ZFPM2: variants seen among roughly 807,000 people sequenced by gnomAD.
The protein encoded by ZFPM2 is zinc finger protein, FOG family member 2, also known as zinc finger protein ZFPM2.
Under a neutral mutation model 98.6 loss-of-function variants are expected in ZFPM2, and 20 were observed. The ratio of observed to expected loss-of-function variants is 0.20; its 90% confidence interval spans 0.14 to 0.29. The LOEUF is 0.29. Ranked by LOEUF, ZFPM2 falls within the 10% of genes least tolerant of loss-of-function variation. The pLI is 1.00. For missense variants in ZFPM2, 1,310 were observed against 1,388.6 expected (o/e 0.94, Z 0.90); for synonymous variants, 518 against 502.7 (o/e 1.03, Z -0.41).
intron 4 of ZFPM2, among the ~76,000 whole-genome samples, chr8:105,576,443 A>C (rs1411963600): frequency 6.6e-6 from 1 of 152,258 alleles, no homozygotes; most frequent in Admixed American, 6.5e-5. Context: ...CTTGGAGGTG[A>C]TGTTTGCTCC....
intron 1 of ZFPM2, among the ~76,000 whole-genome samples, chr8:105,337,173 T>A (rs1812342730): frequency 1.3e-5 from 2 of 151,762 alleles, no homozygotes; most frequent in African/African-American, 4.8e-5. Flanking sequence ...CACGTTATGG[T>A]ATGGCCTCTT....
chr8:105,669,729 T>C (rs1241351424), intron 5 of ZFPM2, among the ~76,000 whole-genome samples: 3 of 152,136 alleles, frequency 2.0e-5, no homozygotes, highest in Admixed American at 2.0e-4. Flanking sequence ...TTCTCTCTAT[T>C]GAAGGATATG....
chr8:105,601,386 T>C (rs1816088817), intron 4 of ZFPM2, among the ~76,000 whole-genome samples: 1 of 152,108 alleles, frequency 6.6e-6, no homozygotes. Flanking sequence ...TTCCCTGGTC[T>C]TGTTCCCTAA....
intron 4 of ZFPM2, among the ~76,000 whole-genome samples, chr8:105,579,917 A>G (rs16873418): frequency 0.41 from 61,940 of 151,908 alleles, 14,622 homozygotes; most frequent in African/African-American, 0.66. Context: ...GTGCCTGCTT[A>G]CCATTCCTGC....
intron 3 of ZFPM2, among the ~76,000 whole-genome samples, chr8:105,454,907 A>G (rs1374912658): frequency 2.0e-5 from 3 of 152,138 alleles, no homozygotes; most frequent in Non-Finnish European, 2.9e-5. Context: ...TTGATAGCCT[A>G]TTTACTCCTG....
intron 1 of ZFPM2, among the ~76,000 whole-genome samples, chr8:105,336,709 C>T (rs1295458549): frequency 2.0e-5 from 3 of 151,000 alleles, no homozygotes; most frequent in Non-Finnish European, 4.4e-5. Context: ...CACACACACA[C>T]ACACACACAC....
intron 4 of ZFPM2, among the ~76,000 whole-genome samples, chr8:105,624,690 A>G (rs1031779337): frequency 1.3e-5 from 2 of 152,132 alleles, no homozygotes; most frequent in Non-Finnish European, 2.9e-5. Context: ...CTGTAGAACT[A>G]TTTGTATTTT....
intron 1 of ZFPM2, among the ~76,000 whole-genome samples, chr8:105,342,861 C>T (rs1330752206): frequency 6.6e-6 from 1 of 151,878 alleles, no homozygotes; most frequent in East Asian, 1.9e-4. Context: ...CTCTAGGTTT[C>T]TTAGTAAACT....
chr8:105,364,659 A>G (rs1261101726), intron 1 of ZFPM2, among the ~76,000 whole-genome samples: 1 of 146,158 alleles, frequency 6.8e-6, no homozygotes, highest in African/African-American at 2.5e-5. Context: ...AAGAATACCA[A>G]AAAAAAAAAA....
chr8:105,452,320 G>A (rs1205856800), intron 3 of ZFPM2, among the ~76,000 whole-genome samples: 4 of 152,270 alleles, frequency 2.6e-5, no homozygotes, highest in Non-Finnish European at 5.9e-5. Flanking sequence ...GGGTTTTACT[G>A]TGTTCTTTCT....
At chr8:105,577,309 T>C (rs1439400487) in intron 4 of ZFPM2, among the ~76,000 whole-genome samples, 1 of 152,102 alleles carries the variant, frequency 6.6e-6, no homozygotes, top group Non-Finnish European at 1.5e-5. Flanking sequence ...AAAAGTAGTA[T>C]TCACATGTGT....
intron 3 of ZFPM2, among the ~76,000 whole-genome samples, chr8:105,526,965 G>C (rs373213716): frequency 1.3e-5 from 2 of 151,986 alleles, no homozygotes; most frequent in African/African-American, 2.4e-5. Flanking sequence ...TAATCTCTCT[G>C]TGCCTCAGTT....
At chr8:105,336,949 T>C (rs575355155) in intron 1 of ZFPM2, among the ~76,000 whole-genome samples, 88 of 151,866 alleles carry the variant, frequency 5.8e-4, no homozygotes, top group African/African-American at 2.1e-3. Context: ...TTTTTGTTGT[T>C]TAGTTGTTGT....
intron 4 of ZFPM2, among the ~76,000 whole-genome samples, chr8:105,591,590 G>T (rs1815844934): frequency 6.6e-6 from 1 of 151,952 alleles, no homozygotes; most frequent in Admixed American, 6.6e-5. Flanking sequence ...TTAAAGACTT[G>T]TTTTTTTAAT....
intron 5 of ZFPM2, among the ~76,000 whole-genome samples, chr8:105,734,059 T>C (rs1812012506): frequency 6.6e-6 from 1 of 151,890 alleles, no homozygotes; most frequent in Non-Finnish European, 1.5e-5. Context: ...ATACTGCCCT[T>C]GACTGCCAAC....
At chr8:105,458,435 T>A (rs1009180519) in intron 3 of ZFPM2, among the ~76,000 whole-genome samples, 3 of 151,856 alleles carry the variant, frequency 2.0e-5, no homozygotes, top group Non-Finnish European at 4.4e-5. Context: ...AAAAAAAAAA[T>A]TTGTTTTCCC....
chr8:105,484,826 T>G lies in ZFPM2; in HGVS notation c.301+40445T>G, dbSNP rs570364852. Among the ~76,000 whole-genome samples, 4 of 152,276 alleles carry G rather than the reference T, an allele frequency of 2.6e-5. No individual in the cohort carries two copies. In the East Asian group the frequency reaches 7.7e-4, roughly 29 times the overall value. On this transcript the variant is annotated intron_variant, in intron 3 of 7. Coordinates refer to ENST00000407775, the MANE Select transcript of ZFPM2 (RefSeq NM_012082.4). The stretch of plus-strand genomic sequence containing the variant: ...TTCATCTATGGAAATTGTGGGTGGT[T>G]TGGGAAGACATCTTTCTGGAGCAGC...
intron 1 of ZFPM2, among the ~76,000 whole-genome samples, chr8:105,339,144 A>G (rs1292696827): frequency 6.6e-6 from 1 of 151,868 alleles, no homozygotes; most frequent in Non-Finnish European, 1.5e-5. Context: ...AAGTAGTTTT[A>G]TGTTATTTTT....
At chr8:105,386,109 G>A (rs947544548) in intron 1 of ZFPM2, among the ~76,000 whole-genome samples, 4 of 152,162 alleles carry the variant, frequency 2.6e-5, no homozygotes, top group African/African-American at 9.7e-5. Context: ...AAAATGGCCA[G>A]TAAGTGGGGG....
Sources: allele counts gnomAD v4.1 joint callset (sites outside exome capture counted in the v4.1 genomes callset), GRCh38; gene constraint gnomAD v4.1.1; transcripts MANE v1.5; gene names NCBI Gene and HGNC (gene_info 2026-07-23, HGNC 2026-07-21).